Variants in ITGAE observed in about 807,000 individuals in gnomAD.
The protein encoded by ITGAE is integrin alpha-E.
A neutral mutation model predicts 136.5 loss-of-function variants in ITGAE; 99 were observed. The observed-to-expected ratio is 0.73, with a 90% CI of 0.62 to 0.86. ITGAE has a LOEUF of 0.86. ITGAE is among the 40% of genes least tolerant of loss of function. The pLI is 0.00. For missense variants in ITGAE, 1,447 were observed against 1,515.3 expected, an observed-to-expected ratio of 0.95 and a Z score of 0.75; for synonymous variants, 613 against 591.8, an observed-to-expected ratio of 1.04 and a Z score of -0.52.
intron 1 of ITGAE, among the ~76,000 whole-genome samples, chr17:3,781,584 T>A (rs1368264311): frequency 1.3e-5 from 2 of 152,074 alleles, no homozygotes; most frequent in African/African-American, 4.8e-5. Flanking sequence ...CTTGAACTCC[T>A]GACCTCAGGT....
chr17:3,723,607 A>C, intron 27 of ITGAE, 81 bp downstream of exon 27: 1 of 1,405,952 alleles, frequency 7.1e-7, no homozygotes, highest in Non-Finnish European at 9.6e-7. Context: ...GGGGTAACCC[A>C]GGAAAAACAG....
Position 3,739,940 on chromosome 17 carries a change from C to T in ITGAE, c.2449-62G>A, listed in dbSNP as rs374282997. The T allele has an allele frequency of 6.2e-5, 84 of 1,347,288 alleles. No individual in the cohort carries two copies. In the African/African-American group the frequency reaches 9.3e-4, roughly 15 times the overall value. 83.5% of individuals were successfully genotyped at this position (1,347,288 alleles called of 1,614,324 possible). On this transcript the variant is annotated intron_variant, in intron 19 of 30. Coordinates refer to ENST00000263087, the MANE Select transcript of ITGAE (RefSeq NM_002208.5). Reference sequence around the variant, plus strand: ...CCGCCTTCCCCAGCAGCCCTGCCTCCGGCTCTTCTCCTTATAGGAAGTTTT... The same window carrying T: ...CCGCCTTCCCCAGCAGCCCTGCCTCTGGCTCTTCTCCTTATAGGAAGTTTT...
chr17:3,729,331 T>C (rs2051288985), intron 24 of ITGAE, 147 bp downstream of exon 24: 2 of 668,268 alleles, frequency 3.0e-6, no homozygotes, highest in South Asian at 3.2e-5. Context: ...TAGAGATCAA[T>C]ATCAGAGCCT....
At chr17:3,745,953 G>T in intron 17 of ITGAE, 26 bp from the exon 18 acceptor site, 1 of 1,604,626 alleles carries the variant, frequency 6.2e-7, no homozygotes, top group South Asian at 1.1e-5. Flanking sequence ...AGACCTTCCC[G>T]ATGAGGTGGG....
chr17:3,766,019 G>A (rs919850984), intron 2 of ITGAE, among the ~76,000 whole-genome samples: 2 of 152,186 alleles, frequency 1.3e-5, no homozygotes, highest in Non-Finnish European at 2.9e-5. Context: ...CTTCGTAGAT[G>A]TGAGTTAATA....
At chr17:3,752,308 G>A (rs2051890996) in intron 14 of ITGAE, among the ~76,000 whole-genome samples, 1 of 152,218 alleles carries the variant, frequency 6.6e-6, no homozygotes, top group Admixed American at 6.5e-5. Flanking sequence ...CCACACACAT[G>A]CCAGGTACAC....
chr17:3,716,645 G>T (rs759178212), intron 30 of ITGAE, 43 bp downstream of exon 30: 1 of 1,201,156 alleles, frequency 8.3e-7, no homozygotes, highest in Middle Eastern at 1.9e-4. Context: ...CCCAAAACTA[G>T]AGCCCAGTCT....
intron 2 of ITGAE, 135 bp from the exon 3 acceptor site, chr17:3,764,095 C>G (rs1315374273): frequency 1.6e-6 from 1 of 635,340 alleles, no homozygotes. Context: ...CTAGCCCAGA[C>G]TCTGGATTAT....
intron 12 of ITGAE, 27 bp downstream of exon 12, chr17:3,755,090 G>A (rs761897244): frequency 1.4e-6 from 2 of 1,416,510 alleles, no homozygotes; most frequent in African/African-American, 3.0e-5. Flanking sequence ...AGGTGGCCCC[G>A]CCCTCATCAG....
At chr17:3,801,044 G>T in intron 1 of ITGAE, 67 bp downstream of exon 1, 1 of 1,556,288 alleles carries the variant, frequency 6.4e-7, no homozygotes. Context: ...CAAGGCTGTA[G>T]TCTGCAGACA....
intron 1 of ITGAE, among the ~76,000 whole-genome samples, chr17:3,777,937 TCTTA>T (rs1309819420): frequency 6.6e-6 from 1 of 151,772 alleles, no homozygotes; most frequent in African/African-American, 2.4e-5. Flanking sequence ...TCCTCACGCC[TCTTA>T]CTGTCATTTC....
At chr17:3,775,581 T>C (rs1379287349) in intron 2 of ITGAE, among the ~76,000 whole-genome samples, 4 of 151,820 alleles carry the variant, frequency 2.6e-5, no homozygotes, top group African/African-American at 4.8e-5. Flanking sequence ...TGCCTCAGCC[T>C]CCCAAGAACC....
At chr17:3,765,421 G>T (rs2052275990) in intron 2 of ITGAE, among the ~76,000 whole-genome samples, 1 of 151,442 alleles carries the variant, frequency 6.6e-6, no homozygotes, top group Admixed American at 6.6e-5. Context: ...GCACAGGAAG[G>T]TGGGGCAGAA....
At chr17:3,719,452 G>C (rs1246407283) in intron 29 of ITGAE, among the ~76,000 whole-genome samples, 1 of 152,016 alleles carries the variant, frequency 6.6e-6, no homozygotes, top group Non-Finnish European at 1.5e-5. Flanking sequence ...CTCACAGATA[G>C]ATCACCTCTG....
At chr17:3,734,195 C>T (rs539864005) in intron 21 of ITGAE, among the ~76,000 whole-genome samples, 40 of 152,190 alleles carry the variant, frequency 2.6e-4, no homozygotes, top group Admixed American at 5.9e-4. Flanking sequence ...CTCAGCCTCC[C>T]GAGTAGCTGG....
intron 26 of ITGAE, chr17:3,724,263 A>T (rs1206085041): frequency 6.3e-7 from 1 of 1,591,694 alleles, no homozygotes; most frequent in Admixed American, 1.7e-5. Flanking sequence ...CCCAAGCCTA[A>T]CCGTGACCCC....
At position 3,751,749 on chromosome 17, in the gene ITGAE, C is replaced by G; in HGVS notation, c.1794G>C (p.Gly598=). 2 of 1,614,064 alleles carry G rather than the reference C, an allele frequency of 1.2e-6. No individual in the cohort carries two copies. The highest frequency in any genetic ancestry group is 1.7e-6 in the Non-Finnish European group (2 of 1,179,974). The change falls in exon 15 of 31, where the codon GGG becomes GGC. Residue 598 remains glycine, a synonymous_variant. Transcript: ENST00000263087. ...CTGCCCCAAAACCTTCCAGGGGGGC[C>G]CCGATGGCCACATCTGTGAGCTTAT... is the stretch of plus-strand genomic sequence containing the variant. The part of the protein sequence containing the change: ...SQDKLTDVAI[G]APLEGFGADD...
At chr17:3,727,406 T>A (rs2051238663) in intron 26 of ITGAE, among the ~76,000 whole-genome samples, 1 of 150,174 alleles carries the variant, frequency 6.7e-6, no homozygotes. Flanking sequence ...ATTTTTGCTT[T>A]TTTTTTTTTT....
intron 19 of ITGAE, among the ~76,000 whole-genome samples, chr17:3,740,375 GTTGT>G (rs768028076): frequency 6.6e-6 from 1 of 152,050 alleles, no homozygotes; most frequent in South Asian, 2.1e-4. Context: ...TGTTTTTTCG[GTTGT>G]TTGTTTGTTT....
Sources: allele counts gnomAD v4.1 joint callset (sites outside exome capture counted in the v4.1 genomes callset), GRCh38; gene constraint gnomAD v4.1.1; transcripts MANE v1.5; gene names NCBI Gene and HGNC (gene_info 2026-07-23, HGNC 2026-07-21).